Variants in PCDH9 observed in about 807,000 individuals in gnomAD.
PCDH9 encodes the protein protocadherin 9.
A neutral mutation model predicts 70.6 loss-of-function variants in PCDH9; 24 were observed. That is an observed-to-expected ratio of 0.34 (90% CI 0.25 to 0.48). PCDH9 has a LOEUF of 0.48. Ranked by LOEUF, PCDH9 falls within the 20% of genes least tolerant of loss-of-function variation. The pLI is 0.99. For missense variants in PCDH9, 1,281 were observed against 1,503.6 expected (o/e 0.85, Z 2.45); for synonymous variants, 562 against 558.5 (o/e 1.01, Z -0.09).
intron 4 of PCDH9, among the ~76,000 whole-genome samples, chr13:66,451,974 T>C (rs191908135): frequency 3.6e-4 from 55 of 152,314 alleles, no homozygotes; most frequent in African/African-American, 1.2e-3. Context: ...TGTTTTTAAA[T>C]CCGGGCTGAG....
intron 3 of PCDH9, among the ~76,000 whole-genome samples, chr13:66,776,275 C>T (rs931340117): frequency 3.3e-5 from 5 of 150,246 alleles, no homozygotes; most frequent in African/African-American, 2.5e-5. Context: ...GAAGTTCTGG[C>T]CAGGGCAATC....
intron 4 of PCDH9, among the ~76,000 whole-genome samples, chr13:66,619,339 T>C (rs932752011): frequency 1.3e-5 from 2 of 152,092 alleles, no homozygotes; most frequent in Admixed American, 1.3e-4. Context: ...CTTTAGAAAA[T>C]GGGTGTTTTG....
At chr13:67,208,083 C>T (rs536684237) in intron 2 of PCDH9, 1 of 152,198 alleles carries the variant, frequency 6.6e-6, no homozygotes, top group African/African-American at 2.4e-5. Context: ...AGCTGTAATT[C>T]ACACTGTATT....
chr13:66,492,399 T>C (rs1199352622), intron 4 of PCDH9, among the ~76,000 whole-genome samples: 1 of 149,460 alleles, frequency 6.7e-6, no homozygotes, highest in African/African-American at 2.4e-5. Flanking sequence ...ATTAAATAGG[T>C]ACACACACAC....
At chr13:66,597,889 T>C (rs2077122208) in intron 4 of PCDH9, among the ~76,000 whole-genome samples, 2 of 151,040 alleles carry the variant, frequency 1.3e-5, no homozygotes, top group Admixed American at 6.6e-5. Flanking sequence ...AGTAACAAAT[T>C]TAAAAAATGG....
chr13:66,332,425 G>A (rs1955960774), intron 4 of PCDH9, among the ~76,000 whole-genome samples: 1 of 152,060 alleles, frequency 6.6e-6, no homozygotes, highest in Admixed American at 6.6e-5. Context: ...TCTAATTATT[G>A]AATCAATGGA....
At position 66,912,572 on chromosome 13, in the gene PCDH9, T is replaced by G. The variant is rs115221808; in HGVS notation, c.3037-8967A>C. On this transcript the variant is annotated intron_variant, in intron 2 of 4. Transcript: ENST00000377865. ...CTTATGAATACATGTTTTATGTATGTGATTATCTTGTTCATGTAAGTGATT... is the reference window on the plus strand; with the variant it reads ...CTTATGAATACATGTTTTATGTATGGGATTATCTTGTTCATGTAAGTGATT... 7.4e-3 allele frequency among the ~76,000 whole-genome samples: 1,130 copies of G among 152,154 alleles called. 16 individuals are homozygous for G. Among genetic ancestry groups the G allele is most frequent in the African/African-American group, 0.026 (1,077 of 41,550 alleles).
Position 66,994,925 on chromosome 13 carries a change from A to G in PCDH9, c.3037-91320T>C, listed in dbSNP as rs565216103. Among the ~76,000 whole-genome samples the G allele has an allele frequency of 2.0e-5, 3 of 152,308 alleles. No homozygotes were observed. The East Asian group carries it at 5.8e-4, about 29-fold the overall frequency. Reference sequence around the variant, plus strand: ...TTAAAACTAATAATGAATTTCTAAAACCTTTTAAACGGGCTTAAGTTTTGT... The same window carrying G: ...TTAAAACTAATAATGAATTTCTAAAGCCTTTTAAACGGGCTTAAGTTTTGT... On this transcript the variant is annotated intron_variant, in intron 2 of 4. Coordinates refer to ENST00000377865, the MANE Select transcript of PCDH9 (RefSeq NM_203487.3).
intron 4 of PCDH9, among the ~76,000 whole-genome samples, chr13:66,311,694 A>T (rs1465376492): frequency 6.6e-6 from 1 of 152,090 alleles, no homozygotes; most frequent in Non-Finnish European, 1.5e-5. Context: ...CCCTTTGGAG[A>T]CTGCATTACT....
At chr13:66,311,809 T>C (rs886291631) in intron 4 of PCDH9, among the ~76,000 whole-genome samples, 1 of 152,178 alleles carries the variant, frequency 6.6e-6, no homozygotes, top group Admixed American at 6.5e-5. Context: ...TACTCCGCTC[T>C]TATTATACAG....
intron 2 of PCDH9, among the ~76,000 whole-genome samples, chr13:67,182,476 A>C (rs2088643263): frequency 1.3e-5 from 2 of 152,084 alleles, no homozygotes; most frequent in South Asian, 4.1e-4. Context: ...CATTATATGT[A>C]TTATTATTTC....
intron 3 of PCDH9, among the ~76,000 whole-genome samples, chr13:66,898,068 A>G (rs2082212239): frequency 6.6e-6 from 1 of 151,984 alleles, no homozygotes; most frequent in Non-Finnish European, 1.5e-5. Flanking sequence ...AAACTTCTTT[A>G]TCTAGTGAGT....
intron 3 of PCDH9, among the ~76,000 whole-genome samples, chr13:66,893,750 C>A (rs2139573325): frequency 6.6e-6 from 1 of 152,222 alleles, no homozygotes; most frequent in East Asian, 1.9e-4. Context: ...GAGATGCACT[C>A]TAATATAACC....
At chr13:67,180,421 G>A (rs1488328999) in intron 2 of PCDH9, among the ~76,000 whole-genome samples, 1 of 152,012 alleles carries the variant, frequency 6.6e-6, no homozygotes, top group East Asian at 1.9e-4. Flanking sequence ...GAAGCTCACT[G>A]TTGGGCTCCT....
chr13:66,783,618 A>C (rs2080034734), intron 3 of PCDH9, among the ~76,000 whole-genome samples: 1 of 152,198 alleles, frequency 6.6e-6, no homozygotes, highest in African/African-American at 2.4e-5. Context: ...TATTTTAAGT[A>C]ATTCAAATTC....
chr13:66,806,826 T>C (rs538317857), intron 3 of PCDH9, among the ~76,000 whole-genome samples: 8 of 152,298 alleles, frequency 5.3e-5, no homozygotes, highest in East Asian at 1.9e-4. Flanking sequence ...TTTTCAAACA[T>C]TGGCAACTAG....
chr13:66,314,613 A>G (rs1185978254), intron 4 of PCDH9, among the ~76,000 whole-genome samples: 2 of 152,200 alleles, frequency 1.3e-5, no homozygotes, highest in Non-Finnish European at 2.9e-5. Context: ...TTGACTATCT[A>G]CTTATCAGGA....
intron 3 of PCDH9, among the ~76,000 whole-genome samples, chr13:66,852,691 A>ATT (rs1566241760): frequency 6.6e-6 from 1 of 152,170 alleles, no homozygotes; most frequent in African/African-American, 2.4e-5. Flanking sequence ...TTACTTTGGC[A>ATT]TATTTGTAAG....
chr13:66,632,306 G>T (rs569663256), intron 3 of PCDH9, among the ~76,000 whole-genome samples: 16 of 152,304 alleles, frequency 1.1e-4, no homozygotes, highest in Non-Finnish European at 2.1e-4. Context: ...GACTGAACTA[G>T]CTGTGCTAAA....
Sources: allele counts gnomAD v4.1 joint callset (sites outside exome capture counted in the v4.1 genomes callset), GRCh38; gene constraint gnomAD v4.1.1; transcripts MANE v1.5; gene names NCBI Gene and HGNC (gene_info 2026-07-23, HGNC 2026-07-21).